Variants in SGCZ observed in about 807,000 individuals in gnomAD.
The protein encoded by SGCZ is zeta-sarcoglycan.
A neutral mutation model predicts 41.3 loss-of-function variants in SGCZ; 40 were observed. The ratio of observed to expected loss-of-function variants is 0.97; its 90% CI spans 0.75 to 1.26. The LOEUF is 1.26. SGCZ is among the 50% of genes most tolerant of loss of function. The pLI is 0.00. For missense variants in SGCZ, 552 were observed against 369.8 expected, an observed-to-expected ratio of 1.49 and a Z score of -4.04; for synonymous variants, 206 against 137.5, an observed-to-expected ratio of 1.50 and a Z score of -3.49.
intron 2 of SGCZ, among the ~76,000 whole-genome samples, chr8:14,402,776 T>C (rs1799113279): frequency 6.8e-6 from 1 of 147,942 alleles, no homozygotes; most frequent in Non-Finnish European, 1.5e-5. Context: ...ATGCGGGCTC[T>C]TTTTTGGCTC....
chr8:14,871,088 T>A (rs1804132516), intron 1 of SGCZ, among the ~76,000 whole-genome samples: 1 of 152,054 alleles, frequency 6.6e-6, no homozygotes, highest in Non-Finnish European at 1.5e-5. Context: ...ATGCCTGTAA[T>A]CCCAGCTACT....
chr8:14,141,264 C>G (rs979503198), intron 5 of SGCZ, among the ~76,000 whole-genome samples: 1 of 152,142 alleles, frequency 6.6e-6, no homozygotes, highest in African/African-American at 2.4e-5. Flanking sequence ...TGGGCAAGAA[C>G]TTCAGGACTA....
At chr8:15,006,033 C>G (rs921857705) in intron 1 of SGCZ, among the ~76,000 whole-genome samples, 2 of 152,206 alleles carry the variant, frequency 1.3e-5, no homozygotes, top group South Asian at 4.1e-4. Flanking sequence ...TTGTCATTGA[C>G]GGTAATCACA....
chr8:14,536,388 A>T lies in SGCZ; in HGVS notation c.234+18344T>A, dbSNP rs574346321. ...ATGACTTCTGTATCGCACTGTAAAC[A>T]TACAACATTACAAAAACCAAATGCT... On this transcript the variant is annotated intron_variant, in intron 2 of 7. Coordinates refer to ENST00000382080, the MANE Select transcript of SGCZ (RefSeq NM_139167.4). 1.1e-4 allele frequency among the ~76,000 whole-genome samples: 17 copies of T among 152,062 alleles called. No homozygotes were observed. In the East Asian group the frequency reaches 2.1e-3, roughly 19 times the overall value.
intron 1 of SGCZ, among the ~76,000 whole-genome samples, chr8:15,063,617 C>A (rs997969097): frequency 1.3e-5 from 2 of 152,094 alleles, no homozygotes; most frequent in African/African-American, 2.4e-5. Context: ...GCTATACTGT[C>A]TTCATTATTC....
chr8:14,424,518 A>ATG (rs1369025827), intron 2 of SGCZ, among the ~76,000 whole-genome samples: 3 of 152,100 alleles, frequency 2.0e-5, no homozygotes, highest in Non-Finnish European at 4.4e-5. Flanking sequence ...ATACACAAAT[A>ATG]TGTGTGTGTG....
intron 5 of SGCZ, among the ~76,000 whole-genome samples, chr8:14,116,597 G>T (rs1237177077): frequency 6.6e-6 from 1 of 152,066 alleles, no homozygotes; most frequent in Non-Finnish European, 1.5e-5. Context: ...CAGAACATGT[G>T]TGTTAATGCC....
At chr8:15,147,014 G>A (rs906533082) in intron 1 of SGCZ, among the ~76,000 whole-genome samples, 1 of 152,060 alleles carries the variant, frequency 6.6e-6, no homozygotes, top group East Asian at 1.9e-4. Flanking sequence ...AAAACTGGAA[G>A]GCAATTTTCA....
At position 14,254,188 on chromosome 8, in the gene SGCZ, C is replaced by A. The variant is rs553697563; in HGVS notation, c.337-16509G>T. ...ATCAGCTTGTTCCTAGAGGTGAACCCTGGATTTTGAGTTTACCGGCAGTTA... is the reference window on the plus strand; with the variant it reads ...ATCAGCTTGTTCCTAGAGGTGAACCATGGATTTTGAGTTTACCGGCAGTTA... On this transcript the variant is annotated intron_variant, in intron 3 of 7. Transcript: ENST00000382080. Among the ~76,000 whole-genome samples, 380 of 152,066 alleles carry A rather than the reference C, an allele frequency of 2.5e-3. 4 individuals carry two copies. The highest frequency in any genetic ancestry group is 3.8e-3 in the Non-Finnish European group (261 of 67,988).
chr8:14,395,024 G>T (rs1585448104), intron 2 of SGCZ, among the ~76,000 whole-genome samples: 1 of 152,194 alleles, frequency 6.6e-6, no homozygotes, highest in East Asian at 1.9e-4. Context: ...AACTGATGTA[G>T]TGATAATATC....
chr8:15,231,796 A>G (rs1253632226), intron 1 of SGCZ, among the ~76,000 whole-genome samples: 2 of 151,562 alleles, frequency 1.3e-5, no homozygotes, highest in East Asian at 3.9e-4. Context: ...TAATTTTTGT[A>G]TTTTTAGTAG....
chr8:14,937,440 C>G (rs1190924441), intron 1 of SGCZ, among the ~76,000 whole-genome samples: 1 of 151,964 alleles, frequency 6.6e-6, no homozygotes, highest in African/African-American at 2.4e-5. Flanking sequence ...AGCAAACATT[C>G]AAGCCTCAAA....
At chr8:14,437,876 T>A (rs1304169818) in intron 2 of SGCZ, among the ~76,000 whole-genome samples, 1 of 151,968 alleles carries the variant, frequency 6.6e-6, no homozygotes, top group Admixed American at 6.6e-5. Context: ...TCATATGAAG[T>A]AATATCTCAA....
chr8:15,234,201 G>A (rs1028510793), intron 1 of SGCZ, among the ~76,000 whole-genome samples: 2 of 152,122 alleles, frequency 1.3e-5, no homozygotes, highest in Non-Finnish European at 2.9e-5. Flanking sequence ...GAGCAACGAT[G>A]GAGCTAAAAT....
intron 2 of SGCZ, among the ~76,000 whole-genome samples, chr8:14,474,768 C>T (rs554881186): frequency 6.6e-6 from 1 of 152,134 alleles, no homozygotes; most frequent in Non-Finnish European, 1.5e-5. Context: ...AATTACTTGT[C>T]CTTGACAAAA....
chr8:14,867,107 GT>G (rs1373238039), intron 1 of SGCZ, among the ~76,000 whole-genome samples: 1 of 152,022 alleles, frequency 6.6e-6, no homozygotes, highest in Non-Finnish European at 1.5e-5. Context: ...AATGCAATTT[GT>G]TTTTCTGTCT....
At chr8:14,898,654 G>T (rs1192198165) in intron 1 of SGCZ, among the ~76,000 whole-genome samples, 1 of 152,172 alleles carries the variant, frequency 6.6e-6, no homozygotes, top group South Asian at 2.1e-4. Flanking sequence ...GAAAGGATTT[G>T]ATAATGGATT....
At chr8:14,397,171 C>G (rs1167361810) in intron 2 of SGCZ, among the ~76,000 whole-genome samples, 1 of 152,072 alleles carries the variant, frequency 6.6e-6, no homozygotes, top group Non-Finnish European at 1.5e-5. Flanking sequence ...TGACTTTTCA[C>G]TTCACCTTGA....
intron 1 of SGCZ, among the ~76,000 whole-genome samples, chr8:14,665,625 A>G (rs770481309): frequency 4.6e-5 from 7 of 152,188 alleles, no homozygotes; most frequent in Non-Finnish European, 1.0e-4. Flanking sequence ...GCATTACTAT[A>G]TTTTAAAAAG....
Sources: gnomAD v4.1 joint callset for allele counts (sites outside exome capture counted in the v4.1 genomes callset) on GRCh38, gnomAD v4.1.1 for gene constraint, MANE v1.5 for transcripts, NCBI Gene and HGNC (gene_info 2026-07-23, HGNC 2026-07-21) for gene names.